Variants in ZNF644 observed in about 807,000 individuals in gnomAD.
ZNF644 encodes the protein zinc finger motif enhancer binding protein 2.
A neutral mutation model predicts 108.0 loss-of-function variants in ZNF644; 20 were observed. The observed-to-expected ratio is 0.19, with a 90% confidence interval of 0.13 to 0.27. The LOEUF is 0.27. ZNF644 is among the 10% of genes least tolerant of loss of function. ZNF644 has a pLI of 1.00. For synonymous variants in ZNF644, 542 were observed against 539.1 expected, an observed-to-expected ratio of 1.01 and a Z score of -0.08; for missense variants, 1,338 against 1,548.9, an observed-to-expected ratio of 0.86 and a Z score of 2.29.
chr1:90,940,017 C>T lies in ZNF644; in HGVS notation c.1337G>A (p.Arg446Lys). 1 of 1,613,982 alleles carries T rather than the reference C, an allele frequency of 6.2e-7. No individual in the cohort carries two copies. Among genetic ancestry groups the T allele is most frequent in the Non-Finnish European group, 8.5e-7 (1 of 1,179,950 alleles). The part of the protein sequence containing the change: ...NSHFRHLNVP[R>K]PYACRECGRT... The stretch of plus-strand genomic sequence containing the variant: ...TCCACATTCTCTACAAGCATATGGC[C>T]TTGGGACATTAAGATGGCGAAAGTG... The change falls in exon 3 of 6, where the codon AGG becomes AAG. Residue 446 changes from arginine to lysine, a missense_variant. Physicochemically the swap from Arg to Lys is conservative, Grantham distance 26. Around this residue, in one of 6 missense-constraint regions of ZNF644, gnomAD observed 80 missense variants for 183.0 expected, o/e 0.44. Transcript: ENST00000337393.
chr1:90,971,482 G>A (rs898809453), intron 2 of ZNF644, among the ~76,000 whole-genome samples: 4 of 152,036 alleles, frequency 2.6e-5, no homozygotes, highest in East Asian at 1.9e-4. Flanking sequence ...GTGCAATGGC[G>A]TGATCTCGGC....
chr1:90,939,528 T>C lies in ZNF644; in HGVS notation c.1826A>G (p.His609Arg). ...AAATGAATCAACACATGATGATGAA[T>C]GCAAGTACTCCGTGTGCTTTTTTAA... is the stretch of plus-strand genomic sequence containing the variant. ...SVLKKHTEYL[H>R]SSSCVDSFGS... The change falls in exon 3 of 6, where the codon CAT (histidine) becomes CGT (arginine). Residue 609 changes from histidine (H) to arginine (R), a missense_variant. This residue lies in a region of ZNF644 where 462 missense variants were observed against 472.6 expected (regional missense o/e 0.98). Transcript: ENST00000337393. 1 of 1,614,016 alleles carries C rather than the reference T, an allele frequency of 6.2e-7. No homozygotes were observed. Among genetic ancestry groups the C allele is most frequent in the East Asian group, 2.2e-5 (1 of 44,882 alleles).
rs550355590 is a variant in ZNF644 at position 91,014,087 on chromosome 1, T to C, written c.-18+7903A>G. On this transcript the variant is annotated intron_variant, in intron 1 of 5. Transcript: ENST00000337393. ...TAAACTGATAAATACAAATTGTATA[T>C]ATTTATGGTGTACAACACATTTTGA... Among the ~76,000 whole-genome samples the C allele has an allele frequency of 4.6e-5, 7 of 152,332 alleles. 1 individual carries two copies. The South Asian group carries it at 8.3e-4, about 18-fold the overall frequency.
chr1:90,916,598 A>G lies in ZNF644; in HGVS notation c.*200T>C. On this transcript the variant is annotated 3_prime_UTR_variant, in exon 6 of 6. Coordinates refer to ENST00000337393, the MANE Select transcript of ZNF644 (RefSeq NM_201269.3). ...ACCAACAAAACTTCATAAACCTTAA[A>G]AACACATCTTCCACCCTATATAAAA... is the stretch of plus-strand genomic sequence containing the variant. 1.6e-6 allele frequency: 1 copy of G among 611,430 alleles called. No homozygotes were observed. The highest frequency in any genetic ancestry group is 2.8e-6 in the Non-Finnish European group (1 of 356,642). The allele number at this position is 611,430 out of a possible 1,614,324, so 37.9% of individuals were successfully genotyped here. A position where few individuals can be genotyped will look rare whatever the true frequency, so the allele number is the denominator to read the frequency against.
At chr1:90,919,082 A>T (rs183633349) in intron 4 of ZNF644, among the ~76,000 whole-genome samples, 3 of 152,298 alleles carry the variant, frequency 2.0e-5, no homozygotes, top group Non-Finnish European at 2.9e-5. Flanking sequence ...ACCTGATTTT[A>T]AAAAGAAAAA....
chr1:91,003,925 T>C (rs550182429), intron 1 of ZNF644, among the ~76,000 whole-genome samples: 1 of 152,138 alleles, frequency 6.6e-6, no homozygotes, highest in African/African-American at 2.4e-5. Flanking sequence ...AAACAAATTG[T>C]AGAATTGAAA....
Position 90,938,431 on chromosome 1 carries a change from C to T in ZNF644, c.2923G>A (p.Gly975Ser). The T allele has an allele frequency of 6.2e-7, 1 of 1,613,980 alleles. No homozygotes were observed. The highest frequency in any genetic ancestry group is 8.5e-7 in the Non-Finnish European group (1 of 1,179,930). ...CPYCPATFET[G>S]VGLSNHVRGH... ...CTGACATGATTTGATAACCCAACAC[C>T]TGTTTCAAATGTTGCTGGGCAGTAA... is the stretch of plus-strand genomic sequence containing the variant. Residue 975 changes from glycine to serine, a missense_variant, in exon 3 of 6, where the codon GGT (glycine) becomes AGT (serine). Gly to Ser is a moderately conservative substitution (Grantham distance 56). Coordinates refer to ENST00000337393, the MANE Select transcript of ZNF644 (RefSeq NM_201269.3). This position sits in a 1 kb window ranked among gnomAD's most constrained non-coding sequence, Gnocchi z 4.2.
chr1:90,949,771 G>C (rs1652893234), intron 2 of ZNF644, among the ~76,000 whole-genome samples: 1 of 152,116 alleles, frequency 6.6e-6, no homozygotes. Flanking sequence ...GTAAAGGTCT[G>C]GAGCATCATT....
At chr1:90,955,972 C>G (rs192181123) in intron 2 of ZNF644, among the ~76,000 whole-genome samples, 1 of 152,170 alleles carries the variant, frequency 6.6e-6, no homozygotes, top group Non-Finnish European at 1.5e-5. Context: ...AGACATGTGA[C>G]TCATCCTTTC....
At chr1:90,935,453 G>C (rs1651214452) in intron 4 of ZNF644, 1 of 985,866 alleles carries the variant, frequency 1.0e-6, no homozygotes, top group Non-Finnish European at 1.2e-6. Context: ...GCATAAGCGC[G>C]TAAGTGGTTG....
intron 2 of ZNF644, among the ~76,000 whole-genome samples, chr1:90,951,188 G>C (rs1226240320): frequency 2.0e-5 from 3 of 152,110 alleles, no homozygotes; most frequent in African/African-American, 7.2e-5. Flanking sequence ...TTAGTACAAG[G>C]ACAGATCCTT....
At chr1:91,015,193 G>T (rs1350245830) in intron 1 of ZNF644, among the ~76,000 whole-genome samples, 6 of 152,142 alleles carry the variant, frequency 3.9e-5, no homozygotes, top group African/African-American at 1.4e-4. Context: ...TGACAAATTT[G>T]CTTATAAGCT....
At chr1:90,965,139 G>A (rs1271872017) in intron 2 of ZNF644, among the ~76,000 whole-genome samples, 1 of 152,174 alleles carries the variant, frequency 6.6e-6, no homozygotes, top group Non-Finnish European at 1.5e-5. Flanking sequence ...TACTGGATCT[G>A]TATAGCTAGA....
chr1:91,011,151 T>A (rs1659926914), intron 1 of ZNF644, among the ~76,000 whole-genome samples: 1 of 152,228 alleles, frequency 6.6e-6, no homozygotes, highest in Non-Finnish European at 1.5e-5. Context: ...GCTTTAGCCT[T>A]CTATACTTCA....
At chr1:90,942,461 T>C (rs1346724098) in intron 2 of ZNF644, among the ~76,000 whole-genome samples, 3 of 152,160 alleles carry the variant, frequency 2.0e-5, no homozygotes, top group African/African-American at 7.2e-5. Context: ...TCAAAGAATG[T>C]CAGCTCTTTG....
chr1:90,991,658 A>C (rs535776131), intron 1 of ZNF644, among the ~76,000 whole-genome samples: 1 of 152,296 alleles, frequency 6.6e-6, no homozygotes, highest in Admixed American at 6.5e-5. Context: ...ATGGTGGAGC[A>C]GGAGAATAAG....
intron 1 of ZNF644, among the ~76,000 whole-genome samples, chr1:90,997,515 TTTTAAA>T (rs1284704714): frequency 6.6e-6 from 1 of 152,028 alleles, no homozygotes; most frequent in Non-Finnish European, 1.5e-5. Flanking sequence ...TGTGACATTA[TTTTAAA>T]TGTGCAGTAT....
chr1:90,940,432 A>G lies in ZNF644; in HGVS notation c.922T>C (p.Phe308Leu), dbSNP rs763377836. Reference sequence around the variant, plus strand: ...TTGGGTACACAATTAGAATCACTAAAGCAATCCTCGGTATAACGAGTTATC... The same window carrying G: ...TTGGGTACACAATTAGAATCACTAAGGCAATCCTCGGTATAACGAGTTATC... ...SKITRYTEDC[F>L]SDSNCVPNKS... The change falls in exon 3 of 6, where the codon TTT (phenylalanine) becomes CTT (leucine). Residue 308 changes from phenylalanine to leucine, a missense_variant. This residue lies in a region of ZNF644 where 464 missense variants were observed against 457.9 expected (regional missense o/e 1.01). Transcript: ENST00000337393. 1 of 1,613,600 alleles carries G rather than the reference A, an allele frequency of 6.2e-7. No homozygotes were observed. The highest frequency in any genetic ancestry group is 2.2e-5 in the East Asian group (1 of 44,846).
intron 4 of ZNF644, among the ~76,000 whole-genome samples, chr1:90,920,018 C>T (rs1411598431): frequency 6.6e-6 from 1 of 151,922 alleles, no homozygotes; most frequent in African/African-American, 2.4e-5. Context: ...TGCTTTGTAC[C>T]CAGTAGGAAA....
Sources: allele counts gnomAD v4.1 joint callset (sites outside exome capture counted in the v4.1 genomes callset), GRCh38; gene constraint gnomAD v4.1.1; regional missense constraint gnomAD v4.1.1; non-coding constraint Gnocchi (gnomAD v3.1); transcripts MANE v1.5; gene names NCBI Gene and HGNC (gene_info 2026-07-23, HGNC 2026-07-21).